The following SLC25A53 variants were observed in gnomAD, a reference collection of about 807,000 sequenced individuals.
The protein encoded by SLC25A53 is mitochondrial carrier triple repeat protein 6.
A neutral mutation model predicts 15.0 loss-of-function variants in SLC25A53; 5 were observed. That is an observed-to-expected ratio of 0.33 (90% confidence interval 0.17 to 0.70). The LOEUF is 0.70. Among genes scored for constraint, SLC25A53 ranks in the 30% least tolerant of loss-of-function variants. SLC25A53 has a pLI of 0.67. For missense variants in SLC25A53, 216 were observed against 241.6 expected (o/e 0.89, Z 0.70); for synonymous variants, 95 against 100.0 (o/e 0.95, Z 0.30).
chrX:104,111,922 C>T (rs1448582114), intron 1 of SLC25A53, among the ~76,000 whole-genome samples: 1 of 111,985 alleles, frequency 8.9e-6, no homozygotes, highest in East Asian at 2.8e-4. Flanking sequence ...GGTTTTTCTC[C>T]ACTATCCCTT....
rs782810300 is a variant in SLC25A53, at chrX:104,104,791, C to T, written c.467G>A (p.Ser156Asn). The T allele has an allele frequency of 8.3e-7, 1 of 1,211,656 alleles. No homozygotes were observed. Among genetic ancestry groups the T allele is most frequent in the Non-Finnish European group, 1.1e-6 (1 of 895,530 alleles). ...ATAAGAATTGAATTCCTTGAGAATG[C>T]TGAAGGTGCTGGGGAAGCGAGCTTG... ...RKQARFPSTF[S>N]ILKEFNSYGL... The change falls in exon 2 of 2, where the codon AGC becomes AAC. Residue 156 changes from serine to asparagine, a missense_variant. Transcript: ENST00000594199.
intron 1 of SLC25A53, among the ~76,000 whole-genome samples, chrX:104,121,080 A>G (rs1044519550): frequency 9.0e-6 from 1 of 111,624 alleles, no homozygotes; most frequent in East Asian, 2.8e-4. Flanking sequence ...TTTGTTTAGG[A>G]TTTTTAGATC....
chrX:104,114,588 T>A, intron 1 of SLC25A53: 1 of 1,211,908 alleles, frequency 8.3e-7, no homozygotes, highest in Non-Finnish European at 1.1e-6. Flanking sequence ...TCCAGAATGC[T>A]ATTCAGGCAG....
chrX:104,105,098 G>A lies in SLC25A53; in HGVS notation c.160C>T (p.Arg54Trp), dbSNP rs782088908. The change falls in exon 2 of 2, where the codon CGG becomes TGG. Residue 54 changes from arginine to tryptophan, a missense_variant. Physicochemically the swap from Arg to Trp is moderately radical, Grantham distance 101 (BLOSUM62 -3). Coordinates refer to ENST00000594199, the MANE Select transcript of SLC25A53 (RefSeq NM_001012755.5). Reference protein sequence around the residue: ...LTFPIYKVVFRQQIHAMAVSE... With the variant: ...LTFPIYKVVFWQQIHAMAVSE... ...ACTGCCATGGCATGGATCTGTTGCC[G>A]GAACACAACCTTATAGATAGGAAAG... The A allele has an allele frequency of 1.9e-5, 23 of 1,210,657 alleles. No individual in the cohort carries two copies. The highest frequency in any genetic ancestry group is 2.3e-4 in the Middle Eastern group (1 of 4,374).
At chrX:104,121,942 T>C (rs2075395707) in intron 1 of SLC25A53, among the ~76,000 whole-genome samples, 1 of 65,730 alleles carries the variant, frequency 1.5e-5, no homozygotes, top group African/African-American at 5.9e-5. Flanking sequence ...TATATGAACA[T>C]AGATATTTGG....
intron 1 of SLC25A53, among the ~76,000 whole-genome samples, chrX:104,134,422 T>G (rs971076536): frequency 1.9e-4 from 21 of 111,438 alleles, no homozygotes; most frequent in African/African-American, 6.9e-4. Flanking sequence ...CTGAACCTGA[T>G]GCTAACTGAC....
rs1381912312 is a variant in SLC25A53 at position 104,140,360 on chromosome X, T to C, written c.-32+16518A>G. Among the ~76,000 whole-genome samples the C allele has an allele frequency of 5.7e-5, 6 of 105,000 alleles. No individual in the cohort carries two copies. In the South Asian group the frequency reaches 1.7e-3, roughly 30 times the overall value. 91.2% of individuals were successfully genotyped at this position (105,000 alleles called of 115,157 possible). A position where few individuals can be genotyped will look rare whatever the true frequency, so the allele number is the denominator to read the frequency against. ...GTGTGTGTGTGTGTGTATCACAGCA[T>C]AGTTTCTGGCTTTCTCCCAGGGATA... On this transcript the variant is annotated intron_variant, in intron 1 of 1. Transcript: ENST00000594199.
chrX:104,115,916 G>A (rs1406679053), intron 1 of SLC25A53: 2 of 119,610 alleles, frequency 1.7e-5, no homozygotes, highest in Non-Finnish European at 3.8e-5. Context: ...CTATAAGGGG[G>A]GGTCATACCA....
intron 1 of SLC25A53, among the ~76,000 whole-genome samples, chrX:104,137,055 GTAGA>G (rs1349531550): frequency 1.8e-5 from 2 of 111,286 alleles, no homozygotes; most frequent in African/African-American, 6.6e-5. Flanking sequence ...ACTCAGTGAG[GTAGA>G]TAATATGATT....
intron 1 of SLC25A53, among the ~76,000 whole-genome samples, chrX:104,137,942 C>T (rs1455982376): frequency 8.9e-6 from 1 of 112,381 alleles, no homozygotes; most frequent in Non-Finnish European, 1.9e-5. Context: ...TTCTTCCTAA[C>T]ATGATGGAGA....
In SLC25A53 at chrX:104,128,306, T is replaced by C. The variant is rs1373078517; in HGVS notation, c.-31-23018A>G. 2.7e-5 allele frequency among the ~76,000 whole-genome samples: 3 copies of C among 112,176 alleles called. No individual in the cohort carries two copies. The Admixed American group carries it at 2.8e-4, about 11-fold the overall frequency. On this transcript the variant is annotated intron_variant, in intron 1 of 1. Coordinates refer to ENST00000594199, the MANE Select transcript of SLC25A53 (RefSeq NM_001012755.5). ...CTAATGTAGGTTACAGATCTATCAA[T>C]ATTTATTATATTAGAAATCAAAACT...
At chrX:104,109,166 G>A (rs1454077797) in intron 1 of SLC25A53, among the ~76,000 whole-genome samples, 1 of 111,546 alleles carries the variant, frequency 9.0e-6, no homozygotes, top group African/African-American at 3.3e-5. Context: ...AAGAGTGTGA[G>A]TTGTGCATGG....
chrX:104,107,492 G>C (rs2075317733), intron 1 of SLC25A53, among the ~76,000 whole-genome samples: 1 of 112,253 alleles, frequency 8.9e-6, no homozygotes, highest in African/African-American at 3.2e-5. Context: ...AGCCAAAGGG[G>C]ACTCCTCCCA....
chrX:104,115,097 A>G (rs782161387), intron 1 of SLC25A53: 4 of 1,200,975 alleles, frequency 3.3e-6, no homozygotes, highest in Non-Finnish European at 3.4e-6. Context: ...GGTTCTGGGT[A>G]TAAGAATGAT....
At chrX:104,136,099 A>G (rs1327932392) in intron 1 of SLC25A53, among the ~76,000 whole-genome samples, 2 of 111,470 alleles carry the variant, frequency 1.8e-5, no homozygotes, top group African/African-American at 6.5e-5. Flanking sequence ...ATGGCTCACA[A>G]CTCACATATC....
At chrX:104,114,671 A>G in intron 1 of SLC25A53, 1 of 1,212,045 alleles carries the variant, frequency 8.3e-7, no homozygotes, top group Middle Eastern at 2.3e-4. Context: ...CTGAATAGGG[A>G]CCTGCGCTTC....
At chrX:104,114,733 A>G in intron 1 of SLC25A53, 1 of 1,211,667 alleles carries the variant, frequency 8.3e-7, no homozygotes, top group South Asian at 1.8e-5. Flanking sequence ...GCGGCTTCCC[A>G]ATTTCCTGGA....
intron 1 of SLC25A53, among the ~76,000 whole-genome samples, chrX:104,122,383 C>T (rs2075397972): frequency 1.0e-5 from 1 of 99,071 alleles, no homozygotes; most frequent in Non-Finnish European, 2.0e-5. Flanking sequence ...GATTTCTTCT[C>T]AGCAGGTGCA....
chrX:104,103,051 C>T lies in SLC25A53; in HGVS notation c.*1283G>A. The T allele has an allele frequency of 9.2e-6, 1 of 108,860 alleles. No individual in the cohort carries two copies. Among genetic ancestry groups the T allele is most frequent in the East Asian group, 2.9e-4 (1 of 3,467 alleles). 9.0% of individuals were successfully genotyped at this position (108,860 alleles called of 1,213,427 possible). ...ACTCGGGAGGCTGAGGCAGGAGAAT[C>T]ACTTGAATCCGGGAGGTGGAGGTTG... is the stretch of plus-strand genomic sequence containing the variant. On this transcript the variant is annotated 3_prime_UTR_variant, in exon 2 of 2. Coordinates refer to ENST00000594199, the MANE Select transcript of SLC25A53 (RefSeq NM_001012755.5).
Sources: allele counts gnomAD v4.1 joint callset (sites outside exome capture counted in the v4.1 genomes callset), GRCh38; gene constraint gnomAD v4.1.1; transcripts MANE v1.5; gene names NCBI Gene and HGNC (gene_info 2026-07-23, HGNC 2026-07-21).